DPYSL5: variants seen among roughly 807,000 people sequenced by gnomAD.
DPYSL5 encodes the protein dihydropyrimidinase-related protein 5.
A neutral mutation model predicts 58.4 loss-of-function variants in DPYSL5; 9 were observed. The observed-to-expected ratio is 0.15, with a 90% confidence interval of 0.09 to 0.27. The LOEUF is 0.27. Among genes scored for constraint, DPYSL5 ranks in the 10% least tolerant of loss-of-function variants. The probability of loss-of-function intolerance (pLI) is 1.00; values close to 1 mark genes in which losing one functional copy is unlikely to be tolerated. For synonymous variants in DPYSL5, 293 were observed against 301.9 expected, an observed-to-expected ratio of 0.97 and a Z score of 0.31; for missense variants, 499 against 770.6, an observed-to-expected ratio of 0.65 and a Z score of 4.17.
intron 2 of DPYSL5, among the ~76,000 whole-genome samples, chr2:26,911,148 C>T (rs1664430609): frequency 6.7e-6 from 1 of 149,510 alleles, no homozygotes; most frequent in Non-Finnish European, 1.5e-5. Context: ...AAGATTATCC[C>T]TTGTCAAAAA....
chr2:26,917,995 G>A (rs1664610318), intron 2 of DPYSL5, among the ~76,000 whole-genome samples: 1 of 152,040 alleles, frequency 6.6e-6, no homozygotes, highest in Non-Finnish European at 1.5e-5. Context: ...AAATAAGCCA[G>A]GCATGATGGC....
At chr2:26,858,982 A>T (rs1292019917) in intron 1 of DPYSL5, among the ~76,000 whole-genome samples, 1 of 152,176 alleles carries the variant, frequency 6.6e-6, no homozygotes. Flanking sequence ...GGCTGATTCC[A>T]TTCAAGCCTT....
chr2:26,923,953 C>T (rs953089627), intron 2 of DPYSL5, among the ~76,000 whole-genome samples: 1 of 152,204 alleles, frequency 6.6e-6, no homozygotes, highest in Admixed American at 6.5e-5. Context: ...AGCCACTGCA[C>T]CCACTCTCAC....
At position 26,944,016 on chromosome 2, in the gene DPYSL5, G is replaced by T. The variant is rs1665395094; in HGVS notation, c.1441-640G>T. Reference sequence around the variant, plus strand: ...CTCTCTAAAATTGACTTCCGGTTGGGCATGGTGGCTCACGCCTGTAATCCC... The same window carrying T: ...CTCTCTAAAATTGACTTCCGGTTGGTCATGGTGGCTCACGCCTGTAATCCC... On this transcript the variant is annotated intron_variant, in intron 11 of 12. Transcript: ENST00000288699. The surrounding 1 kb of genome is among the most constrained non-coding windows in gnomAD (Gnocchi z 4.4). 6.6e-6 allele frequency among the ~76,000 whole-genome samples: 1 copy of T among 152,322 alleles called. No individual in the cohort carries two copies. Among genetic ancestry groups the T allele is most frequent in the South Asian group, 2.1e-4 (1 of 4,828 alleles).
chr2:26,865,933 G>A, intron 1 of DPYSL5, among the ~76,000 whole-genome samples: 1 of 152,168 alleles, frequency 6.6e-6, no homozygotes, highest in East Asian at 1.9e-4. Flanking sequence ...GTTCTTGAAG[G>A]CAAGGATTCT....
At chr2:26,892,678 CAAAAACAA>C (rs1663913163) in intron 1 of DPYSL5, among the ~76,000 whole-genome samples, 1 of 137,718 alleles carries the variant, frequency 7.3e-6, no homozygotes, top group Non-Finnish European at 1.6e-5. Flanking sequence ...AAAAAAAAAA[CAAAAACAA>C]AAAAACAAAC....
At chr2:26,939,226 C>T (rs991239487) in intron 8 of DPYSL5, 16 of 152,278 alleles carry the variant, frequency 1.1e-4, no homozygotes, top group African/African-American at 3.6e-4. Flanking sequence ...CAGCCTCCGC[C>T]TCCTGGATTC....
At chr2:26,864,003 G>A (rs1229146234) in intron 1 of DPYSL5, among the ~76,000 whole-genome samples, 2 of 152,188 alleles carry the variant, frequency 1.3e-5, no homozygotes, top group African/African-American at 4.8e-5. Context: ...AGCACTTTGA[G>A]AGGCCAAGGT....
chr2:26,933,765 C>T lies in DPYSL5; in HGVS notation c.790+432C>T, dbSNP rs1459070725. ...AAGAACAGTGTGTGGGCCCAGCTTC[C>T]TTTTAGCCTCCTGGAACCCTGTGTA... On this transcript the variant is annotated intron_variant, in intron 7 of 12. Coordinates refer to ENST00000288699, the MANE Select transcript of DPYSL5 (RefSeq NM_020134.4). This position sits in a 1 kb window ranked among gnomAD's most constrained non-coding sequence, Gnocchi z 4.2. Among the ~76,000 whole-genome samples the T allele has an allele frequency of 1.3e-5, 2 of 152,136 alleles. No homozygotes were observed. Among genetic ancestry groups the T allele is most frequent in the Non-Finnish European group, 1.5e-5 (1 of 68,024 alleles).
intron 2 of DPYSL5, among the ~76,000 whole-genome samples, chr2:26,918,483 T>G (rs77291799): frequency 8.8e-5 from 5 of 56,656 alleles, no homozygotes; most frequent in Non-Finnish European, 1.9e-4. Flanking sequence ...TTTTTTTTTT[T>G]CCTCTGGTAC....
At chr2:26,885,509 G>A (rs563629370) in intron 1 of DPYSL5, among the ~76,000 whole-genome samples, 1 of 152,116 alleles carries the variant, frequency 6.6e-6, no homozygotes, top group Admixed American at 6.5e-5. Flanking sequence ...CCCCAAAATG[G>A]CACCTGCCAT....
intron 1 of DPYSL5, among the ~76,000 whole-genome samples, chr2:26,892,756 T>TGAGAGAGAGA (rs144430871): frequency 0.049 from 6,773 of 138,630 alleles, 252 homozygotes; most frequent in Non-Finnish European, 0.06. Context: ...TGGGTTTGTT[T>TGAGAGAGAGA]GAGAGAGAGA....
At chr2:26,913,566 A>C (rs1664492181) in intron 2 of DPYSL5, among the ~76,000 whole-genome samples, 1 of 152,226 alleles carries the variant, frequency 6.6e-6, no homozygotes, top group South Asian at 2.1e-4. Context: ...TGCTATGAAC[A>C]TGGGTGTACA....
At chr2:26,913,715 C>G (rs1269052646) in intron 2 of DPYSL5, among the ~76,000 whole-genome samples, 1 of 152,136 alleles carries the variant, frequency 6.6e-6, no homozygotes, top group Non-Finnish European at 1.5e-5. Context: ...AACCCAGGAG[C>G]TAATGCCACA....
chr2:26,854,055 TA>T (rs542163809), intron 1 of DPYSL5, among the ~76,000 whole-genome samples: 1 of 151,260 alleles, frequency 6.6e-6, no homozygotes, highest in Non-Finnish European at 1.5e-5. Context: ...AAAAAAAAAA[TA>T]AAGTCAACTG....
At chr2:26,935,414 G>A (rs1169085737) in intron 8 of DPYSL5, among the ~76,000 whole-genome samples, 72 of 152,120 alleles carry the variant, frequency 4.7e-4, no homozygotes, top group Non-Finnish European at 7.4e-5. Context: ...GGGGCCAGGT[G>A]CAGTGGTTCA....
At chr2:26,900,804 T>C (rs1664139158) in intron 2 of DPYSL5, among the ~76,000 whole-genome samples, 1 of 152,194 alleles carries the variant, frequency 6.6e-6, no homozygotes, top group African/African-American at 2.4e-5. Flanking sequence ...TGCACCTTCC[T>C]AGTTACTGTC....
chr2:26,884,913 A>G (rs1031819999), intron 1 of DPYSL5, among the ~76,000 whole-genome samples: 1 of 152,172 alleles, frequency 6.6e-6, no homozygotes, highest in Non-Finnish European at 1.5e-5. Flanking sequence ...AAACCGTCTC[A>G]GGAGGCCGGG....
intron 1 of DPYSL5, among the ~76,000 whole-genome samples, chr2:26,867,519 G>A (rs1462687947): frequency 1.3e-5 from 2 of 149,470 alleles, no homozygotes; most frequent in Non-Finnish European, 3.0e-5. Context: ...GCGGTGGCGG[G>A]ATCTCGGCTC....
Sources: gnomAD v4.1 joint callset for allele counts (sites outside exome capture counted in the v4.1 genomes callset) on GRCh38, gnomAD v4.1.1 for gene constraint, Gnocchi (gnomAD v3.1) non-coding constraint, MANE v1.5 for transcripts, NCBI Gene and HGNC (gene_info 2026-07-23, HGNC 2026-07-21) for gene names.